PCDHA12: variants seen among roughly 807,000 people sequenced by gnomAD.
PCDHA12 encodes the protein protocadherin alpha 12.
Under a neutral mutation model 60.0 loss-of-function variants are expected in PCDHA12, and 44 were observed. The ratio of observed to expected loss-of-function variants is 0.73; its 90% CI spans 0.58 to 0.94. PCDHA12 has a LOEUF of 0.94. Ranked by LOEUF, PCDHA12 falls within the 40% of genes least tolerant of loss-of-function variation. The pLI is 0.00. For synonymous variants in PCDHA12, 569 were observed against 553.0 expected (o/e 1.03, Z -0.40); for missense variants, 1,276 against 1,239.7 (o/e 1.03, Z -0.44).
intron 1 of PCDHA12, chr5:140,969,505 A>G (rs973647679): frequency 1.4e-6 from 2 of 1,428,552 alleles, no homozygotes; most frequent in South Asian, 3.0e-5. Context: ...CTAGAAAAAT[A>G]GCACTAAAGA....
At chr5:140,956,885 T>C (rs1156888418) in intron 1 of PCDHA12, among the ~76,000 whole-genome samples, 1 of 152,194 alleles carries the variant, frequency 6.6e-6, no homozygotes, top group Non-Finnish European at 1.5e-5. Context: ...TAGATATCAA[T>C]GAATGAATAT....
intron 1 of PCDHA12, among the ~76,000 whole-genome samples, chr5:140,920,816 C>A (rs1170521844): frequency 6.6e-6 from 1 of 150,790 alleles, no homozygotes; most frequent in East Asian, 1.9e-4. Flanking sequence ...TGCACTCCAG[C>A]CTGGCGACGG....
chr5:140,949,120 T>C (rs782586418), intron 1 of PCDHA12, among the ~76,000 whole-genome samples: 3 of 151,756 alleles, frequency 2.0e-5, no homozygotes, highest in Non-Finnish European at 4.4e-5. Flanking sequence ...ATATTTTTGG[T>C]TTTCCTAGCT....
intron 1 of PCDHA12, among the ~76,000 whole-genome samples, chr5:140,955,267 T>C (rs1189039296): frequency 6.6e-6 from 1 of 152,140 alleles, no homozygotes; most frequent in Non-Finnish European, 1.5e-5. Context: ...AGGCTCTTTT[T>C]TGGTTCCATA....
At chr5:140,971,895 T>C (rs1554233682) in intron 1 of PCDHA12, among the ~76,000 whole-genome samples, 2 of 151,872 alleles carry the variant, frequency 1.3e-5, no homozygotes, top group Non-Finnish European at 2.9e-5. Context: ...TCAGGGAGGT[T>C]AGGTAATCTA....
At chr5:140,927,502 A>G (rs1554204633) in intron 1 of PCDHA12, 1 of 1,614,134 alleles carries the variant, frequency 6.2e-7, no homozygotes, top group Non-Finnish European at 8.5e-7. Context: ...GCTGGTGCTT[A>G]CAGCTCGGGA....
intron 1 of PCDHA12, among the ~76,000 whole-genome samples, chr5:140,913,960 TA>T (rs201352444): frequency 2.0e-5 from 3 of 152,168 alleles, no homozygotes; most frequent in Non-Finnish European, 2.9e-5. Context: ...ATATCATTTT[TA>T]AAAAAATATT....
chr5:140,968,099 G>A, intron 1 of PCDHA12: 3 of 1,614,100 alleles, frequency 1.9e-6, no homozygotes, highest in South Asian at 1.1e-5. Flanking sequence ...CACAGATGGG[G>A]GAATACCGCA....
chr5:140,953,517 A>G (rs1554220954), intron 1 of PCDHA12, among the ~76,000 whole-genome samples: 1 of 152,168 alleles, frequency 6.6e-6, no homozygotes, highest in African/African-American at 2.4e-5. Flanking sequence ...CAAAGCAACA[A>G]AAACGGGAAA....
At chr5:141,001,971 G>C (rs1240624295) in intron 3 of PCDHA12, among the ~76,000 whole-genome samples, 2 of 152,186 alleles carry the variant, frequency 1.3e-5, no homozygotes, top group Admixed American at 1.3e-4. Flanking sequence ...GGGTGTCTCT[G>C]CGCGGAAAGC....
At chr5:140,950,608 T>G (rs1490243292) in intron 1 of PCDHA12, among the ~76,000 whole-genome samples, 1 of 152,086 alleles carries the variant, frequency 6.6e-6, no homozygotes, top group Non-Finnish European at 1.5e-5. Context: ...GACTATGATG[T>G]GCTTATTTAT....
chr5:140,999,027 T>A (rs2097843534), intron 3 of PCDHA12, among the ~76,000 whole-genome samples: 1 of 152,262 alleles, frequency 6.6e-6, no homozygotes, highest in Admixed American at 6.5e-5. Flanking sequence ...AGACTTTTGA[T>A]ACTTCGTCCA....
chr5:141,000,926 G>T (rs1554257936), intron 3 of PCDHA12, among the ~76,000 whole-genome samples: 1 of 151,956 alleles, frequency 6.6e-6, no homozygotes, highest in Non-Finnish European at 1.5e-5. Flanking sequence ...AAAATCCTGT[G>T]TGATTTAGGA....
intron 1 of PCDHA12, chr5:140,929,563 G>A: frequency 2.1e-6 from 1 of 470,088 alleles, no homozygotes; most frequent in Non-Finnish European, 3.6e-6. Context: ...ACCTATTTAA[G>A]AACAATAAAA....
intron 2 of PCDHA12, 103 bp downstream of exon 2, chr5:140,979,110 C>G (rs1223081047): frequency 4.6e-5 from 69 of 1,515,610 alleles, no homozygotes; most frequent in Non-Finnish European, 5.9e-5. Flanking sequence ...AACTAAAAAG[C>G]TTTAGGTACT....
At position 140,965,675 on chromosome 5, in the gene PCDHA12, A is replaced by G. The variant is rs1049081993; in HGVS notation, c.2368-13274A>G. ...AAATGTCTTGGGTGATAAATGTAAA[A>G]GATTTGAAGCAAGATTAGAAAAAGC... On this transcript the variant is annotated intron_variant, in intron 1 of 3. Transcript: ENST00000398631. Among the ~76,000 whole-genome samples, 4 of 152,350 alleles carry G rather than the reference A, an allele frequency of 2.6e-5. No homozygotes were observed. The East Asian group carries it at 7.7e-4, about 29-fold the overall frequency.
chr5:140,910,191 CTT>C (rs1384563815), intron 1 of PCDHA12, among the ~76,000 whole-genome samples: 2 of 152,152 alleles, frequency 1.3e-5, no homozygotes, highest in Non-Finnish European at 2.9e-5. Context: ...TCAAATTAGT[CTT>C]TTGTCCACTT....
intron 1 of PCDHA12, among the ~76,000 whole-genome samples, chr5:140,890,076 C>G (rs2062479072): frequency 6.6e-6 from 1 of 152,150 alleles, no homozygotes. Flanking sequence ...CTTATGAGAA[C>G]TGATAATGCA....
At chr5:140,882,252 G>A in intron 1 of PCDHA12, 1 of 1,597,600 alleles carries the variant, frequency 6.3e-7, no homozygotes, top group Non-Finnish European at 8.5e-7. Context: ...ATAGCTCTGA[G>A]GTTTTTGGAG....
Sources: gnomAD v4.1 joint callset for allele counts (sites outside exome capture counted in the v4.1 genomes callset) on GRCh38, gnomAD v4.1.1 for gene constraint, MANE v1.5 for transcripts, NCBI Gene and HGNC (gene_info 2026-07-23, HGNC 2026-07-21) for gene names.